DSC3: variants seen among roughly 807,000 people sequenced by gnomAD.
DSC3 encodes the protein desmocollin-3.
A neutral mutation model predicts 89.5 loss-of-function variants in DSC3; 97 were observed. That is an observed-to-expected ratio of 1.08 (90% confidence interval 0.92 to 1.28). The LOEUF (loss-of-function observed/expected upper bound fraction) is 1.28. Among genes scored for constraint, DSC3 ranks in the 50% most tolerant of loss-of-function variants. The pLI is 0.00. For missense variants in DSC3, 1,199 were observed against 1,085.3 expected, an observed-to-expected ratio of 1.10 and a Z score of -1.47; for synonymous variants, 436 against 384.1, an observed-to-expected ratio of 1.14 and a Z score of -1.58.
intron 4 of DSC3, among the ~76,000 whole-genome samples, chr18:31,027,529 A>G (rs1985640876): frequency 7.5e-6 from 1 of 132,924 alleles, no homozygotes; most frequent in Admixed American, 7.3e-5. Flanking sequence ...TAGCATATGT[A>G]CTACTAGATA....
At chr18:31,019,518 C>T (rs915418492) in intron 7 of DSC3, among the ~76,000 whole-genome samples, 4 of 152,128 alleles carry the variant, frequency 2.6e-5, no homozygotes, top group Non-Finnish European at 4.4e-5. Context: ...CTTAGGCCAG[C>T]GCAGTGGCTC....
intron 1 of DSC3, among the ~76,000 whole-genome samples, chr18:31,041,874 C>T (rs1051960893): frequency 1.3e-5 from 2 of 152,082 alleles, no homozygotes; most frequent in Non-Finnish European, 2.9e-5. Flanking sequence ...TCATCCCCCA[C>T]CACTGTCACC....
Position 31,029,533 on chromosome 18 carries a change from G to T in DSC3, c.450C>A (p.Gly150=). The T allele has an allele frequency of 6.2e-7, 1 of 1,613,840 alleles. No individual in the cohort carries two copies. The highest frequency in any genetic ancestry group is 8.5e-7 in the Non-Finnish European group (1 of 1,179,734). ...CTTGTTGAAGAAACAATGGGAAAGG[G>T]CCCAAGGAATTCTCTTGCATAGAGC... ...IPCSMQENSL[G]PFPLFLQQVE... Residue 150 remains glycine (G), a synonymous_variant, in exon 4 of 16, where the codon GGC becomes GGA. Transcript: ENST00000360428.
chr18:31,025,857 A>G lies in DSC3; in HGVS notation c.533T>C (p.Val178Ala). The G allele has an allele frequency of 6.2e-7, 1 of 1,613,140 alleles. No homozygotes were observed. The highest frequency in any genetic ancestry group is 8.5e-7 in the Non-Finnish European group (1 of 1,179,384). Residue 178 changes from valine (V) to alanine (A), a missense_variant, in exon 5 of 16, where the codon GTT becomes GCT. Transcript: ENST00000360428. ...TVFYSISGRG[V>A]DKEPLNLFYI... Reference sequence around the variant, plus strand: ...AAACAAATTTAAAGGTTCTTTATCAACTCCACGTCCACTTATTGAGTAGAA... The same window carrying G: ...AAACAAATTTAAAGGTTCTTTATCAGCTCCACGTCCACTTATTGAGTAGAA...
rs1239434111 is a variant in DSC3, at chr18:30,991,536, A to T, written c.*2639T>A. 6.6e-6 allele frequency: 1 copy of T among 152,204 alleles called. No individual in the cohort carries two copies. The highest frequency in any genetic ancestry group is 1.5e-5 in the Non-Finnish European group (1 of 68,038). The allele number at this position is 152,204 out of a possible 1,614,324, so 9.4% of individuals were successfully genotyped here. On this transcript the variant is annotated 3_prime_UTR_variant, in exon 16 of 16. Transcript: ENST00000360428. ...CAAAGAGATGGTTAGAGGTTTTATA[A>T]ACAGGGAAGTGATACTGGTTGCTCT...
intron 7 of DSC3, 112 bp from the exon 8 acceptor site, chr18:31,018,912 G>T: frequency 9.7e-7 from 1 of 1,034,074 alleles, no homozygotes; most frequent in Non-Finnish European, 1.5e-6. Flanking sequence ...GTGTGTTTCC[G>T]TGCTTTTACC....
At chr18:31,032,299 A>G (rs1293018029) in intron 1 of DSC3, 23 bp from the exon 2 acceptor site, 1 of 1,530,416 alleles carries the variant, frequency 6.5e-7, no homozygotes, top group African/African-American at 1.4e-5. Context: ...AGGTCACATT[A>G]ATACAGTAGA....
At chr18:31,011,854 A>C (rs1336980162) in intron 9 of DSC3, among the ~76,000 whole-genome samples, 1 of 149,282 alleles carries the variant, frequency 6.7e-6, no homozygotes, top group Non-Finnish European at 1.5e-5. Context: ...TTAGCCGGGC[A>C]TGGAGGCATG....
intron 7 of DSC3, among the ~76,000 whole-genome samples, chr18:31,021,318 C>T (rs980781197): frequency 2.0e-5 from 3 of 152,134 alleles, no homozygotes; most frequent in Non-Finnish European, 2.9e-5. Context: ...TCCCTACAAA[C>T]TCCACAGATA....
chr18:31,019,334 C>T (rs1279466286), intron 7 of DSC3, among the ~76,000 whole-genome samples: 1 of 152,128 alleles, frequency 6.6e-6, no homozygotes, highest in Non-Finnish European at 1.5e-5. Flanking sequence ...CGTGATTCAC[C>T]CGCCTCGGGC....
At chr18:31,024,752 T>C (rs1985540861) in intron 5 of DSC3, among the ~76,000 whole-genome samples, 1 of 152,182 alleles carries the variant, frequency 6.6e-6, no homozygotes, top group African/African-American at 2.4e-5. Context: ...CTCTGTCCAC[T>C]AGACTGAGGA....
At position 31,022,630 on chromosome 18, in the gene DSC3, G is replaced by A. The variant is rs564602794; in HGVS notation, c.776-128C>T. The A allele has an allele frequency of 1.8e-5, 21 of 1,146,062 alleles. No homozygotes were observed. In the East Asian group the frequency reaches 5.4e-4, roughly 29 times the overall value. The allele number at this position is 1,146,062 out of a possible 1,614,324, so 71.0% of individuals were successfully genotyped here. A position where few individuals can be genotyped will look rare whatever the true frequency, so the allele number is the denominator to read the frequency against. ...AATCTAAAATGTATTTATTACCAGA[G>A]TATTATTTCATCTTTAGATAGGACT... On this transcript the variant is annotated intron_variant, in intron 6 of 15. Coordinates refer to ENST00000360428, the MANE Select transcript of DSC3 (RefSeq NM_001941.5).
rs1984327936 is a variant in DSC3, at chr18:30,993,076, G to A, written c.*1099C>T. On this transcript the variant is annotated 3_prime_UTR_variant, in exon 16 of 16. Coordinates refer to ENST00000360428, the MANE Select transcript of DSC3 (RefSeq NM_001941.5). ...GCTCCCTCTAGCCTCTAAACTCTAG[G>A]AGGACATGGTTATTTGGATCTAAAT... is the stretch of plus-strand genomic sequence containing the variant. The A allele has an allele frequency of 6.6e-6, 1 of 152,218 alleles. No individual in the cohort carries two copies. The highest frequency in any genetic ancestry group is 6.5e-5 in the Admixed American group (1 of 15,274). The allele number at this position is 152,218 out of a possible 1,614,324, so 9.4% of individuals were successfully genotyped here. A position where few individuals can be genotyped will look rare whatever the true frequency, so the allele number is the denominator to read the frequency against.
At chr18:31,016,201 A>C (rs531926659) in intron 9 of DSC3, among the ~76,000 whole-genome samples, 1 of 152,312 alleles carries the variant, frequency 6.6e-6, no homozygotes, top group South Asian at 2.1e-4. Context: ...AGTAGTTATA[A>C]ATACAGCTAG....
intron 1 of DSC3, among the ~76,000 whole-genome samples, chr18:31,038,380 T>A (rs1795708393): frequency 6.6e-6 from 1 of 152,190 alleles, no homozygotes; most frequent in Non-Finnish European, 1.5e-5. Context: ...TATTTAATGG[T>A]TACAGGTCTA....
intron 14 of DSC3, among the ~76,000 whole-genome samples, chr18:30,999,408 T>A (rs1190976771): frequency 3.9e-5 from 6 of 151,928 alleles, no homozygotes; most frequent in Non-Finnish European, 8.8e-5. Flanking sequence ...TACATTTTTT[T>A]ATTTAAGTTG....
At chr18:31,008,194 A>C (rs762906950) in intron 10 of DSC3, 36 bp from the exon 11 acceptor site, 7 of 1,607,982 alleles carry the variant, frequency 4.4e-6, no homozygotes, top group Non-Finnish European at 6.0e-6. Flanking sequence ...TAGCATCAGA[A>C]AATGTTTTCA....
chr18:31,004,626 A>C (rs113098641), intron 12 of DSC3, among the ~76,000 whole-genome samples: 1 of 152,304 alleles, frequency 6.6e-6, no homozygotes, highest in African/African-American at 2.4e-5. Context: ...AGTAATGTTT[A>C]TCTATACAAA....
At chr18:31,025,654 C>T in intron 5 of DSC3, 106 bp downstream of exon 5, 1 of 1,207,116 alleles carries the variant, frequency 8.3e-7, no homozygotes, top group Non-Finnish European at 1.2e-6. Flanking sequence ...CTCTAAGATA[C>T]CCTCTAAGAA....
Sources: gnomAD v4.1 joint callset for allele counts (sites outside exome capture counted in the v4.1 genomes callset) on GRCh38, gnomAD v4.1.1 for gene constraint, MANE v1.5 for transcripts, NCBI Gene and HGNC (gene_info 2026-07-23, HGNC 2026-07-21) for gene names.